The following NEDD9 variants were observed in gnomAD, a reference collection of about 807,000 sequenced individuals.
The protein encoded by NEDD9 is neural precursor cell expressed, developmentally down-regulated 9, also known as enhancer of filamentation 1.
In NEDD9, 26 loss-of-function variants were observed where a neutral mutation model predicts 76.6. The observed-to-expected ratio is 0.34, with a 90% CI of 0.25 to 0.47. The LOEUF (loss-of-function observed/expected upper bound fraction) is 0.47, where lower values mean the gene tolerates loss of function less well. NEDD9 is among the 20% of genes least tolerant of loss of function. NEDD9 has a pLI of 1.00. For missense variants in NEDD9, 937 were observed against 1,058.5 expected (o/e 0.89, Z 1.59); for synonymous variants, 392 against 414.2 (o/e 0.95, Z 0.65).
chr6:11,285,103 A>C (rs1760620338), intron 3 of NEDD9, among the ~76,000 whole-genome samples: 1 of 152,150 alleles, frequency 6.6e-6, no homozygotes, highest in Non-Finnish European at 1.5e-5. Flanking sequence ...AACATTCGTG[A>C]CTTTAGGAAA....
At chr6:11,295,579 C>T (rs942826928) in intron 3 of NEDD9, among the ~76,000 whole-genome samples, 1 of 152,156 alleles carries the variant, frequency 6.6e-6, no homozygotes, top group African/African-American at 2.4e-5. Flanking sequence ...GCACAGCACA[C>T]CTCCTCCCTC....
chr6:11,305,111 A>G, intron 3 of NEDD9: 1 of 1,289,246 alleles, frequency 7.8e-7, no homozygotes, highest in Non-Finnish European at 1.0e-6. Context: ...TCTTGGCTTG[A>G]TACGGTGCCC....
At chr6:11,332,106 C>T (rs528866479) in intron 2 of NEDD9, among the ~76,000 whole-genome samples, 2 of 152,204 alleles carry the variant, frequency 1.3e-5, no homozygotes, top group African/African-American at 2.4e-5. Flanking sequence ...ATGTTGGTAA[C>T]AGTGAGCATC....
chr6:11,300,256 A>G (rs1161124063), intron 3 of NEDD9, among the ~76,000 whole-genome samples: 1 of 152,234 alleles, frequency 6.6e-6, no homozygotes, highest in Non-Finnish European at 1.5e-5. Flanking sequence ...GGAAGAAAGG[A>G]TATCAGTGAT....
chr6:11,356,314 C>G (rs1315567150), intron 1 of NEDD9, among the ~76,000 whole-genome samples: 1 of 152,198 alleles, frequency 6.6e-6, no homozygotes, highest in Non-Finnish European at 1.5e-5. Context: ...TACTGCCTGC[C>G]ACACCTGGAT....
intron 1 of NEDD9, among the ~76,000 whole-genome samples, chr6:11,346,494 G>A (rs1438110249): frequency 2.0e-5 from 3 of 151,408 alleles, no homozygotes; most frequent in Non-Finnish European, 4.4e-5. Flanking sequence ...CCCCCGAGGT[G>A]AGTGGAAAGC....
At chr6:11,353,490 G>A (rs1282716505) in intron 1 of NEDD9, among the ~76,000 whole-genome samples, 1 of 152,230 alleles carries the variant, frequency 6.6e-6, no homozygotes, top group Admixed American at 6.5e-5. Context: ...AAGAGGCAAG[G>A]AAGGATCCTC....
chr6:11,324,156 C>T (rs1408791684), intron 2 of NEDD9, among the ~76,000 whole-genome samples: 2 of 152,178 alleles, frequency 1.3e-5, no homozygotes, highest in African/African-American at 2.4e-5. Context: ...ATCTGGCTTC[C>T]GTGATTCCCT....
chr6:11,223,690 C>T (rs536726255), intron 1 of NEDD9, among the ~76,000 whole-genome samples: 3 of 152,314 alleles, frequency 2.0e-5, no homozygotes, highest in South Asian at 4.1e-4. Flanking sequence ...GCGCCCATGC[C>T]AGGTTTAAAG....
chr6:11,297,265 A>T (rs1258482643), intron 3 of NEDD9, among the ~76,000 whole-genome samples: 1 of 152,158 alleles, frequency 6.6e-6, no homozygotes, highest in Non-Finnish European at 1.5e-5. Flanking sequence ...TCCTGGGAAA[A>T]GAATGCTGCA....
chr6:11,260,894 CTG>C (rs34568873), intron 3 of NEDD9, among the ~76,000 whole-genome samples: 36,028 of 148,166 alleles, frequency 0.24, 4,768 homozygotes, highest in African/African-American at 0.38. Flanking sequence ...GTGTGTGAGC[CTG>C]TGTGTGTGTG....
At chr6:11,368,982 G>A (rs939079622) in intron 1 of NEDD9, among the ~76,000 whole-genome samples, 4 of 152,130 alleles carry the variant, frequency 2.6e-5, no homozygotes, top group East Asian at 1.9e-4. Flanking sequence ...CAAAACCACC[G>A]GTGAGGTAGG....
intron 3 of NEDD9, among the ~76,000 whole-genome samples, chr6:11,266,426 C>T (rs1760203258): frequency 6.6e-6 from 1 of 152,010 alleles, no homozygotes; most frequent in Non-Finnish European, 1.5e-5. Flanking sequence ...TTATTTGTCC[C>T]CAGGTGTTAA....
At chr6:11,219,591 C>T (rs73437347) in intron 1 of NEDD9, among the ~76,000 whole-genome samples, 6,671 of 152,254 alleles carry the variant, frequency 0.044, 532 homozygotes, top group African/African-American at 0.15. Context: ...GAGAAACAGA[C>T]ACATTCAAGG....
intron 3 of NEDD9, among the ~76,000 whole-genome samples, chr6:11,259,423 G>T (rs994614366): frequency 4.6e-5 from 7 of 152,320 alleles, no homozygotes; most frequent in Middle Eastern, 3.4e-3. Context: ...CCCTGCAAAG[G>T]CTTGAAGTAA....
Position 11,192,426 on chromosome 6 carries a change from T to C in NEDD9, c.582A>G (p.Ser194=), listed in dbSNP as rs1214511676. The C allele has an allele frequency of 6.2e-7, 1 of 1,610,908 alleles. No individual in the cohort carries two copies. The highest frequency in any genetic ancestry group is 1.7e-5 in the Admixed American group (1 of 59,266). Reference sequence around the variant, plus strand: ...CTGAAAACACAGGGCCTTTTGCTGATGAGGGAGGGATGTCGTATACCTGAA... The same window carrying C: ...CTGAAAACACAGGGCCTTTTGCTGACGAGGGAGGGATGTCGTATACCTGAA... ...TTQGVYDIPP[S]SAKGPVFSVP... Residue 194 remains serine (S), a synonymous_variant, in exon 4 of 7, where the codon TCA becomes TCG. Coordinates refer to ENST00000379446, the MANE Select transcript of NEDD9 (RefSeq NM_006403.4).
chr6:11,319,559 GAC>G (rs759444059), intron 2 of NEDD9, among the ~76,000 whole-genome samples: 19,313 of 131,806 alleles, frequency 0.15, 2,112 homozygotes, highest in African/African-American at 0.34. Context: ...CTAACATGCG[GAC>G]ACACACACTA....
chr6:11,344,879 A>G (rs1762336263), intron 1 of NEDD9, among the ~76,000 whole-genome samples: 1 of 152,168 alleles, frequency 6.6e-6, no homozygotes, highest in Admixed American at 6.5e-5. Flanking sequence ...TTCAAAAAAA[A>G]GTGGAGATTG....
intron 2 of NEDD9, among the ~76,000 whole-genome samples, chr6:11,313,339 A>G (rs1354048269): frequency 1.3e-5 from 2 of 150,792 alleles, no homozygotes; most frequent in Non-Finnish European, 3.0e-5. Context: ...GGGTGGATAG[A>G]TAGTGGATGG....
Sources: gnomAD v4.1 joint callset for allele counts (sites outside exome capture counted in the v4.1 genomes callset) on GRCh38, gnomAD v4.1.1 for gene constraint, MANE v1.5 for transcripts, NCBI Gene and HGNC (gene_info 2026-07-23, HGNC 2026-07-21) for gene names.